LARGE1: variants seen among roughly 807,000 people sequenced by gnomAD.
LARGE1 encodes LARGE xylosyl- and glucuronyltransferase 1.
A neutral mutation model predicts 87.6 loss-of-function variants in LARGE1; 43 were observed. The ratio of observed to expected loss-of-function variants is 0.49; its 90% confidence interval spans 0.38 to 0.63. The LOEUF (loss-of-function observed/expected upper bound fraction) is 0.63, where lower values mean the gene tolerates loss of function less well. Among genes scored for constraint, LARGE1 ranks in the 30% least tolerant of loss-of-function variants. The probability of loss-of-function intolerance (pLI) is 0.00; values close to 1 mark genes in which losing one functional copy is unlikely to be tolerated. For synonymous variants in LARGE1, 434 were observed against 394.6 expected (o/e 1.10, Z -1.18); for missense variants, 802 against 1,000.2 (o/e 0.80, Z 2.67).
intron 4 of LARGE1, among the ~76,000 whole-genome samples, chr22:33,622,279 C>T (rs1413688522): frequency 6.6e-6 from 1 of 152,164 alleles, no homozygotes; most frequent in Non-Finnish European, 1.5e-5. Flanking sequence ...AGTGAGTTCT[C>T]ACCAGATCTG....
At chr22:33,707,348 C>T (rs946684296) in intron 2 of LARGE1, among the ~76,000 whole-genome samples, 34 of 152,214 alleles carry the variant, frequency 2.2e-4, no homozygotes, top group African/African-American at 8.2e-4. Flanking sequence ...AACATTCAAC[C>T]TCCCTATAAC....
At chr22:33,489,626 T>C (rs61116783) in intron 6 of LARGE1, among the ~76,000 whole-genome samples, 4,816 of 152,256 alleles carry the variant, frequency 0.032, 214 homozygotes, top group African/African-American at 0.1. Context: ...TTTGCCACCA[T>C]GTAAGATGTG....
At chr22:33,478,415 G>C (rs1185418452) in intron 6 of LARGE1, among the ~76,000 whole-genome samples, 1 of 152,188 alleles carries the variant, frequency 6.6e-6, no homozygotes, top group Non-Finnish European at 1.5e-5. Context: ...TTAACATCTT[G>C]TGTTCTGCAA....
intron 2 of LARGE1, chr22:33,656,974 C>T (rs997240477): frequency 1.3e-5 from 2 of 152,194 alleles, no homozygotes; most frequent in East Asian, 3.9e-4. Flanking sequence ...TCCAAAATGT[C>T]CTAAGTGATG....
the LARGE1 span, among the ~76,000 whole-genome samples, chr22:33,083,628 G>A: frequency 6.6e-6 from 1 of 152,230 alleles, no homozygotes; most frequent in Non-Finnish European, 1.5e-5. Context: ...ATAGTGATCA[G>A]TGGAATAAAT....
chr22:33,407,387 A>G (rs772859534), intron 7 of LARGE1, among the ~76,000 whole-genome samples: 2 of 152,196 alleles, frequency 1.3e-5, no homozygotes, highest in Non-Finnish European at 2.9e-5. Flanking sequence ...TGCTATTATA[A>G]AGTATCCAAT....
intron 7 of LARGE1, among the ~76,000 whole-genome samples, chr22:33,415,575 A>G (rs1419224584): frequency 6.6e-6 from 1 of 152,138 alleles, no homozygotes; most frequent in East Asian, 1.9e-4. Flanking sequence ...CAGCTGGGAA[A>G]ACTCTCTAGC....
downstream of LARGE1, among the ~76,000 whole-genome samples, chr22:33,272,178 TC>T (rs1928300990): frequency 6.6e-6 from 1 of 152,196 alleles, no homozygotes; most frequent in African/African-American, 2.4e-5. Flanking sequence ...AGTGCTACCA[TC>T]AGGTTTTCAC....
chr22:33,571,100 T>C (rs1444060474), intron 5 of LARGE1, among the ~76,000 whole-genome samples: 1 of 152,266 alleles, frequency 6.6e-6, no homozygotes, highest in Non-Finnish European at 1.5e-5. Flanking sequence ...ATCATTATCC[T>C]TGCAATGGCT....
At chr22:33,496,611 G>A (rs528306419) in intron 6 of LARGE1, among the ~76,000 whole-genome samples, 7 of 152,216 alleles carry the variant, frequency 4.6e-5, no homozygotes, top group South Asian at 2.1e-4. Flanking sequence ...TTCTGTTTAC[G>A]CTATGTTGTT....
In LARGE1 at chr22:33,695,587, C is replaced by A. The variant is rs1347779901; in HGVS notation, c.107-44919G>T. On this transcript the variant is annotated intron_variant, in intron 2 of 14. Transcript: ENST00000397394. ...ACCCTCTTACCATATTTGCTTCTAT[C>A]ATATTTATCCTTCTATCCATCTATC... is the stretch of plus-strand genomic sequence containing the variant. Among the ~76,000 whole-genome samples the A allele has an allele frequency of 3.9e-5, 6 of 152,160 alleles. No individual in the cohort carries two copies. In the East Asian group the frequency reaches 7.7e-4, roughly 20 times the overall value.
intron 6 of LARGE1, among the ~76,000 whole-genome samples, chr22:33,446,748 C>A (rs2067700991): frequency 6.6e-6 from 1 of 152,142 alleles, no homozygotes; most frequent in Non-Finnish European, 1.5e-5. Context: ...GCAGGGGGAA[C>A]CACTGAAGGG....
chr22:33,609,845 A>C (rs1016778966), intron 4 of LARGE1, among the ~76,000 whole-genome samples: 2 of 152,130 alleles, frequency 1.3e-5, no homozygotes, highest in Non-Finnish European at 2.9e-5. Flanking sequence ...TGTTTAAAAA[A>C]AGAGAAACTC....
intron 5 of LARGE1, among the ~76,000 whole-genome samples, chr22:33,574,409 A>G (rs1377444550): frequency 6.6e-6 from 1 of 152,200 alleles, no homozygotes; most frequent in Non-Finnish European, 1.5e-5. Context: ...TGTTTTGGGA[A>G]TGACAAGAAA....
intron 11 of LARGE1, among the ~76,000 whole-genome samples, chr22:33,226,849 C>G (rs1189370007): frequency 6.6e-6 from 1 of 152,082 alleles, no homozygotes; most frequent in East Asian, 1.9e-4. Flanking sequence ...CCTGCCTCAG[C>G]CTCCCGAGTA....
Position 33,793,010 on chromosome 22 carries a change from T to C in LARGE1, c.-82-31452A>G, listed in dbSNP as rs145174500. On this transcript the variant is annotated intron_variant, in intron 1 of 14. Transcript: ENST00000397394. ...AGCTTTCCACCCAAACAGCGAAAGC[T>C]GCTGAGCGTGCCCAGAGGAGGAGAC... 2.4e-3 allele frequency among the ~76,000 whole-genome samples: 359 copies of C among 152,340 alleles called. 4 individuals are homozygous for C. Among genetic ancestry groups the C allele is most frequent in the African/African-American group, 8.1e-3 (337 of 41,584 alleles).
chr22:33,255,096 C>A (rs560369060), intron 11 of LARGE1, among the ~76,000 whole-genome samples: 4 of 152,242 alleles, frequency 2.6e-5, no homozygotes, highest in African/African-American at 9.6e-5. Context: ...TGCCACCACA[C>A]CCAGCTAATT....
chr22:33,424,331 C>T (rs2066798698), intron 7 of LARGE1, among the ~76,000 whole-genome samples: 1 of 152,168 alleles, frequency 6.6e-6, no homozygotes, highest in South Asian at 2.1e-4. Flanking sequence ...AAAAGTGGAG[C>T]TATCTAAAGG....
At chr22:33,476,768 C>A (rs1421067780) in intron 6 of LARGE1, among the ~76,000 whole-genome samples, 1 of 151,434 alleles carries the variant, frequency 6.6e-6, no homozygotes, top group Non-Finnish European at 1.5e-5. Flanking sequence ...GGTATACATT[C>A]ATGACCAGAT....
Sources: allele counts gnomAD v4.1 joint callset (sites outside exome capture counted in the v4.1 genomes callset), GRCh38; gene constraint gnomAD v4.1.1; transcripts MANE v1.5; gene names NCBI Gene and HGNC (gene_info 2026-07-23, HGNC 2026-07-21).